LPL: variants seen among roughly 807,000 people sequenced by gnomAD.
The protein encoded by LPL is lipoprotein lipase.
Under a neutral mutation model 52.2 loss-of-function variants are expected in LPL, and 43 were observed. The observed-to-expected ratio is 0.82, with a 90% CI of 0.64 to 1.06. The LOEUF (loss-of-function observed/expected upper bound fraction) is 1.06, where lower values mean the gene tolerates loss of function less well. LPL is among the 50% of genes least tolerant of loss of function. The pLI, the probability that LPL is intolerant of heterozygous loss-of-function variation, is 0.00. For synonymous variants in LPL, 244 were observed against 215.6 expected (o/e 1.13, Z -1.15); for missense variants, 639 against 585.3 (o/e 1.09, Z -0.95).
At position 19,951,830 on chromosome 8, in the gene LPL, C is replaced by G. The variant is rs769624687; in HGVS notation, c.311C>G (p.Pro104Arg). The G allele has an allele frequency of 6.2e-7, 1 of 1,614,152 alleles. No homozygotes were observed. Among genetic ancestry groups the G allele is most frequent in the South Asian group, 1.1e-5 (1 of 91,080 alleles). The change falls in exon 3 of 10, where the codon CCA becomes CGA. Residue 104 changes from proline (P) to arginine (R), a missense_variant. Coordinates refer to ENST00000650287, the MANE Select transcript of LPL (RefSeq NM_000237.3). ...GTGGCCGCCCTGTACAAGAGAGAAC[C>G]AGACTCCAATGTCATTGTGGTGGAC... is the stretch of plus-strand genomic sequence containing the variant. ...KLVAALYKRE[P>R]DSNVIVVDWL... is the part of the protein sequence containing the mutation.
In LPL at chr8:19,944,561, A is replaced by G. The variant is rs886746279; in HGVS notation, c.89-3619A>G. ...ATGTCATTGCATAAATGTTCATCTT[A>G]CTCACGTGATGACTTTGATCTGCCT... On this transcript the variant is annotated intron_variant, in intron 1 of 9. Transcript: ENST00000650287. The surrounding 1 kb of genome is among the most constrained non-coding windows in gnomAD (Gnocchi z 4.2). Among the ~76,000 whole-genome samples, 1 of 151,944 alleles carries G rather than the reference A, an allele frequency of 6.6e-6. No individual in the cohort carries two copies. Among genetic ancestry groups the G allele is most frequent in the Admixed American group, 6.6e-5 (1 of 15,260 alleles).
intron 3 of LPL, 33 bp from the exon 4 acceptor site, chr8:19,953,277 T>C: frequency 7.5e-7 from 1 of 1,326,898 alleles, no homozygotes; most frequent in Non-Finnish European, 1.1e-6. Context: ...TTGGCAGAAC[T>C]GTAAGCACCT....
Position 19,955,899 on chromosome 8 carries a change from T to C in LPL, c.834T>C (p.Ser278=), listed in dbSNP as rs1458475052. Residue 278 remains serine, a synonymous_variant, in exon 6 of 10, where the codon TCT becomes TCC. Transcript: ENST00000650287. ...GCTCCATTCATCTCTTCATCGACTCTCTGTTGAATGAAGAAAATCCAAGTA... is the reference window on the plus strand; with the variant it reads ...GCTCCATTCATCTCTTCATCGACTCCCTGTTGAATGAAGAAAATCCAAGTA... ...HERSIHLFID[S]LLNEENPSKA... 6 of 1,614,142 alleles carry C rather than the reference T, an allele frequency of 3.7e-6. No individual in the cohort carries two copies. Among genetic ancestry groups the C allele is most frequent in the East Asian group, 2.2e-5 (1 of 44,868 alleles).
intron 9 of LPL, among the ~76,000 whole-genome samples, chr8:19,963,362 G>T (rs1269037172): frequency 6.6e-6 from 1 of 151,734 alleles, no homozygotes; most frequent in Non-Finnish European, 1.5e-5. Context: ...CTTGAACCGG[G>T]GAGGCAGAGG....
intron 3 of LPL, 122 bp from the exon 4 acceptor site, chr8:19,953,188 A>G: frequency 1.5e-6 from 1 of 682,650 alleles, no homozygotes; most frequent in Non-Finnish European, 2.7e-6. Flanking sequence ...CAAAATTAAA[A>G]TAAGTAGAAT....
In LPL at chr8:19,948,225, C is replaced by A. The variant is rs143944126; in HGVS notation, c.134C>A (p.Thr45Asn). The change falls in exon 2 of 10, where the codon ACC becomes AAC. Residue 45 changes from threonine to asparagine, a missense_variant. Physicochemically the swap from Thr to Asn is moderately conservative, Grantham distance 65. Coordinates refer to ENST00000650287, the MANE Select transcript of LPL (RefSeq NM_000237.3). ...IDIESKFALR[T>N]PEDTAEDTCH... is the part of the protein sequence containing the mutation. ...ATCGAAAGTAAATTTGCCCTAAGGA[C>A]CCCTGAAGACACAGCTGAGGACACT... 7.2e-5 allele frequency: 117 copies of A among 1,614,002 alleles called. No individual in the cohort carries two copies. Among genetic ancestry groups the A allele is most frequent in the Non-Finnish European group, 9.3e-5 (110 of 1,180,012 alleles).
Position 19,939,678 on chromosome 8 carries a change from C to A in LPL, c.88+150C>A. On this transcript the variant is annotated intron_variant, in intron 1 of 9. Transcript: ENST00000650287. The surrounding 1 kb of genome is among the most constrained non-coding windows in gnomAD (Gnocchi z 4.0). ...TGGGCTCTAGCCCCGAAACGGTCCC[C>A]GGAGTGGGATCCAGGAGGGGCCGGG... The A allele has an allele frequency of 2.6e-6, 2 of 782,932 alleles. No individual in the cohort carries two copies. Among genetic ancestry groups the A allele is most frequent in the Non-Finnish European group, 4.1e-6 (2 of 493,670 alleles). The allele number at this position is 782,932 out of a possible 1,614,324, so 48.5% of individuals were successfully genotyped here. A position where few individuals can be genotyped will look rare whatever the true frequency, so the allele number is the denominator to read the frequency against.
intron 1 of LPL, among the ~76,000 whole-genome samples, chr8:19,943,872 C>G (rs891697970): frequency 6.6e-6 from 1 of 152,042 alleles, no homozygotes. Context: ...TTTTCCTATT[C>G]CATTAATAAA....
chr8:19,963,578 TA>T (rs1445127754), intron 9 of LPL, among the ~76,000 whole-genome samples: 1 of 152,078 alleles, frequency 6.6e-6, no homozygotes, highest in Non-Finnish European at 1.5e-5. Flanking sequence ...AAAAATAAAA[TA>T]AAATCACTGT....
chr8:19,965,522 C>T lies in LPL; in HGVS notation c.*212C>T, dbSNP rs2070077954. 3.6e-6 allele frequency: 2 copies of T among 551,238 alleles called. No individual in the cohort carries two copies. Among genetic ancestry groups the T allele is most frequent in the Admixed American group, 3.1e-5 (1 of 32,372 alleles). The allele number at this position is 551,238 out of a possible 1,614,324, so 34.1% of individuals were successfully genotyped here. The stretch of plus-strand genomic sequence containing the variant: ...AATTCAATTTATGGGGTATAGTGGC[C>T]AAATAGCACATCCTCCAACGTTAAA... On this transcript the variant is annotated 3_prime_UTR_variant, in exon 10 of 10. Transcript: ENST00000650287.
rs985575756 is a variant in LPL, at chr8:19,940,926, A to T, written c.88+1398A>T. Among the ~76,000 whole-genome samples the T allele has an allele frequency of 4.0e-5, 6 of 148,606 alleles. No homozygotes were observed. In the East Asian group the frequency reaches 1.2e-3, roughly 29 times the overall value. On this transcript the variant is annotated intron_variant, in intron 1 of 9. Transcript: ENST00000650287. Reference sequence around the variant, plus strand: ...GGCAACATAGGGAGACACCGTCTCTATAAAAAAAAAATACAAAAATTAGCC... The same window carrying T: ...GGCAACATAGGGAGACACCGTCTCTTTAAAAAAAAAATACAAAAATTAGCC...
chr8:19,956,868 G>A (rs1040342085), intron 6 of LPL, among the ~76,000 whole-genome samples: 1 of 152,110 alleles, frequency 6.6e-6, no homozygotes, highest in Non-Finnish European at 1.5e-5. Context: ...CTTTCTCCTA[G>A]GCTGGAGGAG....
At chr8:19,952,272 C>T (rs1231210978) in intron 3 of LPL, among the ~76,000 whole-genome samples, 1 of 152,200 alleles carries the variant, frequency 6.6e-6, no homozygotes, top group African/African-American at 2.4e-5. Flanking sequence ...TTCAGCCAGA[C>T]CCTTCCCTAC....
intron 1 of LPL, among the ~76,000 whole-genome samples, chr8:19,941,657 C>T (rs2069839777): frequency 6.6e-6 from 1 of 152,224 alleles, no homozygotes; most frequent in Non-Finnish European, 1.5e-5. Flanking sequence ...CACTTTCACT[C>T]TACTCACCCA....
rs951697699 is a variant in LPL, at chr8:19,950,712, G to A, written c.250-1057G>A. 1.3e-5 allele frequency among the ~76,000 whole-genome samples: 2 copies of A among 152,172 alleles called. No homozygotes were observed. Among genetic ancestry groups the A allele is most frequent in the African/African-American group, 4.8e-5 (2 of 41,440 alleles). ...CCAGCTACTCAGGAGGCTGAGGCAG[G>A]AGAATCGCTTGAACCAAGGAGGCGG... On this transcript the variant is annotated intron_variant, in intron 2 of 9. Transcript: ENST00000650287. This position sits in a 1 kb window ranked among gnomAD's most constrained non-coding sequence, Gnocchi z 4.2.
intron 5 of LPL, 54 bp from the exon 6 acceptor site, chr8:19,955,787 C>G (rs1473684723): frequency 6.2e-7 from 1 of 1,612,450 alleles, no homozygotes; most frequent in African/African-American, 1.3e-5. Flanking sequence ...CCAAATGAAA[C>G]ACTCTTTGTG....
At chr8:19,952,195 A>C (rs2069940633) in intron 3 of LPL, among the ~76,000 whole-genome samples, 1 of 152,198 alleles carries the variant, frequency 6.6e-6, no homozygotes, top group Non-Finnish European at 1.5e-5. Context: ...AGATCTGCTG[A>C]GACCAATAAC....
At chr8:19,958,939 T>A (rs1420265426) in intron 6 of LPL, among the ~76,000 whole-genome samples, 1 of 152,230 alleles carries the variant, frequency 6.6e-6, no homozygotes, top group African/African-American at 2.4e-5. Context: ...CATGAGTGTT[T>A]TGGCCTTCTG....
At position 19,955,835 on chromosome 8, in the gene LPL, A is replaced by T; in HGVS notation, c.776-6A>T. On this transcript the variant is annotated splice_region_variant and splice_polypyrimidine_tract_variant and intron_variant, in intron 5 of 9. Coordinates refer to ENST00000650287, the MANE Select transcript of LPL (RefSeq NM_000237.3). The stretch of plus-strand genomic sequence containing the variant: ...GATACAATCTTGGTGTCTCTTTTTT[A>T]CCCAGATGTGGACCAGCTAGTGAAG... 6.2e-7 allele frequency: 1 copy of T among 1,614,096 alleles called. No homozygotes were observed. Among genetic ancestry groups the T allele is most frequent in the South Asian group, 1.1e-5 (1 of 91,086 alleles).
Sources: gnomAD v4.1 joint callset for allele counts (sites outside exome capture counted in the v4.1 genomes callset) on GRCh38, gnomAD v4.1.1 for gene constraint, Gnocchi (gnomAD v3.1) non-coding constraint, MANE v1.5 for transcripts, NCBI Gene and HGNC (gene_info 2026-07-23, HGNC 2026-07-21) for gene names.